The following CDH4 variants were observed in gnomAD, a reference collection of about 807,000 sequenced individuals.
CDH4 encodes cadherin 4.
In CDH4, 33 loss-of-function variants were observed where a neutral mutation model predicts 86.0. The observed-to-expected ratio is 0.38, with a 90% CI of 0.29 to 0.51. CDH4 has a LOEUF of 0.51. Among genes scored for constraint, CDH4 ranks in the 20% least tolerant of loss-of-function variants. The pLI is 0.86. For missense variants in CDH4, 1,114 were observed against 1,307.4 expected, an observed-to-expected ratio of 0.85 and a Z score of 2.28; for synonymous variants, 555 against 549.4, an observed-to-expected ratio of 1.01 and a Z score of -0.14.
intron 8 of CDH4, among the ~76,000 whole-genome samples, chr20:61,900,733 G>A (rs1985357051): frequency 2.6e-5 from 4 of 152,174 alleles, no homozygotes; most frequent in African/African-American, 2.4e-5. Flanking sequence ...GGAGAGATGG[G>A]GCCCAGGGGT....
intron 2 of CDH4, among the ~76,000 whole-genome samples, chr20:61,618,595 C>CT (rs1296961863): frequency 6.6e-6 from 1 of 152,278 alleles, no homozygotes; most frequent in African/African-American, 2.4e-5. Flanking sequence ...AAATCAATGA[C>CT]TGGAGGTGCA....
At chr20:61,481,254 C>T (rs930569764) in intron 2 of CDH4, among the ~76,000 whole-genome samples, 5 of 152,170 alleles carry the variant, frequency 3.3e-5, no homozygotes, top group Non-Finnish European at 7.3e-5. Context: ...AATTGAGGGA[C>T]GGAGGCCAGG....
chr20:61,850,043 C>T (rs1482710052), intron 5 of CDH4, among the ~76,000 whole-genome samples: 6 of 152,244 alleles, frequency 3.9e-5, no homozygotes, highest in African/African-American at 1.4e-4. Flanking sequence ...GACTGTGACA[C>T]GTGTCACCCT....
rs570719717 is a variant in CDH4, at chr20:61,506,758, G to T, written c.170-236805G>T. Among the ~76,000 whole-genome samples the T allele has an allele frequency of 2.6e-5, 4 of 152,338 alleles. No individual in the cohort carries two copies. In the South Asian group the frequency reaches 8.3e-4, roughly 32 times the overall value. ...GCAACTCAAGAGAGGCTTTTTGGGG[G>T]TCTCGAGGGACCTGCTCTGTCTAAC... is the stretch of plus-strand genomic sequence containing the variant. On this transcript the variant is annotated intron_variant, in intron 2 of 15. Transcript: ENST00000614565.
chr20:61,886,381 G>T (rs1044890853), intron 7 of CDH4, among the ~76,000 whole-genome samples: 2 of 152,244 alleles, frequency 1.3e-5, no homozygotes, highest in Admixed American at 1.3e-4. Flanking sequence ...GCTGAGCTAT[G>T]GGGAGGTGAG....
chr20:61,653,492 C>T (rs2087148364), intron 2 of CDH4, among the ~76,000 whole-genome samples: 1 of 141,092 alleles, frequency 7.1e-6, no homozygotes, highest in Admixed American at 7.0e-5. Flanking sequence ...AGAGGGGCTC[C>T]TCACTTCCCA....
chr20:61,844,780 A>C lies in CDH4; in HGVS notation c.689A>C (p.Tyr230Ser), dbSNP rs965887536. 1.5e-5 allele frequency: 25 copies of C among 1,613,818 alleles called. No homozygotes were observed. The highest frequency in any genetic ancestry group is 2.1e-5 in the Non-Finnish European group (25 of 1,179,928). The change falls in exon 5 of 16, where the codon TAC (tyrosine) becomes TCC (serine). Residue 230 changes from tyrosine to serine, a missense_variant. By Grantham distance (144) the Tyr-to-Ser change is moderately radical (BLOSUM62 -2). Coordinates refer to ENST00000614565, the MANE Select transcript of CDH4 (RefSeq NM_001794.5). ...FSIDSMSGRM[Y>S]VTRPMDREEH... ...ATTGACTCCATGTCCGGCCGGATGT[A>C]CGTCACAAGGCCCATGGACCGGGAG...
At chr20:61,401,352 C>T (rs535305529) in intron 2 of CDH4, among the ~76,000 whole-genome samples, 28 of 151,894 alleles carry the variant, frequency 1.8e-4, no homozygotes, top group African/African-American at 6.3e-4. Context: ...CCCTGTTGTG[C>T]GTTGAACTAT....
chr20:61,535,693 C>A (rs1300605756), intron 2 of CDH4, among the ~76,000 whole-genome samples: 2 of 152,154 alleles, frequency 1.3e-5, no homozygotes, highest in Non-Finnish European at 2.9e-5. Context: ...TGAGAGGGGG[C>A]CCGGGCTGCA....
chr20:61,253,195 C>T (rs1955346739), intron 1 of CDH4, among the ~76,000 whole-genome samples: 2 of 151,236 alleles, frequency 1.3e-5, no homozygotes, highest in Non-Finnish European at 3.0e-5. Flanking sequence ...CTGGAGCCTG[C>T]GTGTCCGGCG....
At chr20:61,363,973 A>G (rs926932236) in intron 2 of CDH4, among the ~76,000 whole-genome samples, 10 of 152,154 alleles carry the variant, frequency 6.6e-5, no homozygotes, top group Admixed American at 5.9e-4. Flanking sequence ...GTATGATGGG[A>G]TTGTTAGGAC....
intron 2 of CDH4, among the ~76,000 whole-genome samples, chr20:61,699,520 G>A (rs1048358782): frequency 7.3e-6 from 1 of 137,792 alleles, no homozygotes; most frequent in Non-Finnish European, 1.7e-5. Context: ...AGCACTTTCT[G>A]GCTCTCCGAG....
chr20:61,322,248 C>T (rs531468791), intron 2 of CDH4, among the ~76,000 whole-genome samples: 106 of 152,308 alleles, frequency 7.0e-4, no homozygotes, highest in Middle Eastern at 3.4e-3. Flanking sequence ...CCCCCCATCC[C>T]CTCCAACTCC....
At chr20:61,723,741 A>G (rs962604658) in intron 2 of CDH4, among the ~76,000 whole-genome samples, 1 of 152,248 alleles carries the variant, frequency 6.6e-6, no homozygotes, top group African/African-American at 2.4e-5. Context: ...TCTAGAAAAC[A>G]TAGTTGGCAG....
chr20:61,476,388 C>T (rs541749124), intron 2 of CDH4, among the ~76,000 whole-genome samples: 35 of 152,256 alleles, frequency 2.3e-4, no homozygotes, highest in African/African-American at 7.7e-4. Flanking sequence ...TGTGTGTGCA[C>T]GTGTGTGTGT....
rs114728129 is a variant in CDH4, at chr20:61,827,294, C to T, written c.577-17374C>T. The stretch of plus-strand genomic sequence containing the variant: ...TTAATTATTTTAAGTGACTTTAAGA[C>T]GTGATAATTTTACTTACATATTCCT... On this transcript the variant is annotated intron_variant, in intron 4 of 15. Transcript: ENST00000614565. Among the ~76,000 whole-genome samples, 661 of 152,228 alleles carry T rather than the reference C, an allele frequency of 4.3e-3. 5 individuals carry two copies. The highest frequency in any genetic ancestry group is 0.014 in the African/African-American group (586 of 41,512).
intron 2 of CDH4, chr20:61,740,596 A>AC (rs35732478): frequency 0.029 from 4,475 of 151,828 alleles, 80 homozygotes; most frequent in South Asian, 0.056. Context: ...TCTCTGAATG[A>AC]CCCCCCCATC....
intron 2 of CDH4, among the ~76,000 whole-genome samples, chr20:61,549,037 G>C (rs922932967): frequency 6.6e-6 from 1 of 152,104 alleles, no homozygotes; most frequent in Non-Finnish European, 1.5e-5. Context: ...GGGGCTCCAC[G>C]GGGGCAGGCA....
chr20:61,529,826 G>C (rs6089410), intron 2 of CDH4, among the ~76,000 whole-genome samples: 1 of 152,232 alleles, frequency 6.6e-6, no homozygotes, highest in East Asian at 1.9e-4. Flanking sequence ...ACACTCATCA[G>C]TGTAATTTTT....
Sources: allele counts gnomAD v4.1 joint callset (sites outside exome capture counted in the v4.1 genomes callset), GRCh38; gene constraint gnomAD v4.1.1; transcripts MANE v1.5; gene names NCBI Gene and HGNC (gene_info 2026-07-23, HGNC 2026-07-21).